Variants in OSBPL10 observed in about 807,000 individuals in gnomAD.
The protein encoded by OSBPL10 is oxysterol-binding protein-related protein 10.
A neutral mutation model predicts 81.7 loss-of-function variants in OSBPL10; 49 were observed. That is an observed-to-expected ratio of 0.60 (90% CI 0.48 to 0.76). OSBPL10 has a LOEUF of 0.76. OSBPL10 is among the 30% of genes least tolerant of loss of function. The probability of loss-of-function intolerance (pLI) is 0.00; values close to 1 mark genes in which losing one functional copy is unlikely to be tolerated. For synonymous variants in OSBPL10, 419 were observed against 383.6 expected (o/e 1.09, Z -1.08); for missense variants, 923 against 987.8 (o/e 0.93, Z 0.88).
intron 4 of OSBPL10, among the ~76,000 whole-genome samples, chr3:31,824,993 G>A (rs754221234): frequency 9.2e-5 from 14 of 152,126 alleles, no homozygotes; most frequent in Non-Finnish European, 1.9e-4. Flanking sequence ...CCCAACAGAG[G>A]AGGTCCTAAG....
rs933014986 is a variant in OSBPL10 at position 31,776,582 on chromosome 3, G to C, written c.730-28462C>G. Among the ~76,000 whole-genome samples, 2 of 152,298 alleles carry C rather than the reference G, an allele frequency of 1.3e-5. 1 individual carries two copies. The highest frequency in any genetic ancestry group is 4.1e-4 in the South Asian group (2 of 4,822). On this transcript the variant is annotated intron_variant, in intron 4 of 11. Transcript: ENST00000396556. ...TCCACCAACAGATGAATGGATAAAT[G>C]TGGTATATCCACACAATGGAATCTT...
intron 3 of OSBPL10, among the ~76,000 whole-genome samples, chr3:31,863,146 G>GA (rs56882500): frequency 0.026 from 3,935 of 152,100 alleles, 156 homozygotes; most frequent in African/African-American, 0.089. Context: ...TATGCTAAGT[G>GA]AAAAAAAGCC....
intron 6 of OSBPL10, among the ~76,000 whole-genome samples, chr3:31,730,081 G>T (rs546244249): frequency 1.3e-5 from 2 of 152,186 alleles, no homozygotes; most frequent in South Asian, 4.1e-4. Flanking sequence ...GGTGGCTCAC[G>T]CCTGTAATCC....
chr3:31,815,086 AGTGGCCACACTGGAAT>A (rs1411661078), intron 4 of OSBPL10, among the ~76,000 whole-genome samples: 1 of 151,984 alleles, frequency 6.6e-6, no homozygotes, highest in Non-Finnish European at 1.5e-5. Context: ...AAGAATCTGA[AGTGGCCACACTGGAAT>A]GTCTATGCAG....
intron 1 of OSBPL10, among the ~76,000 whole-genome samples, chr3:32,047,042 C>T (rs1699628272): frequency 6.6e-6 from 1 of 152,162 alleles, no homozygotes; most frequent in African/African-American, 2.4e-5. Context: ...TATTGTCACC[C>T]AGGCTGGAGT....
chr3:31,914,456 C>T (rs1054694930), intron 1 of OSBPL10, among the ~76,000 whole-genome samples: 1 of 152,190 alleles, frequency 6.6e-6, no homozygotes, highest in African/African-American at 2.4e-5. Context: ...TGGCAGCAGG[C>T]AGTGTTTCCC....
At chr3:31,918,329 CTTT>C (rs67029884) in intron 1 of OSBPL10, among the ~76,000 whole-genome samples, 38,463 of 148,138 alleles carry the variant, frequency 0.26, 6,005 homozygotes, top group African/African-American at 0.42. Context: ...TTTTTCTTTT[CTTT>C]TTTTTTTTTT....
At chr3:31,843,631 T>TC (rs1245748050) in intron 3 of OSBPL10, among the ~76,000 whole-genome samples, 1 of 152,158 alleles carries the variant, frequency 6.6e-6, no homozygotes, top group Non-Finnish European at 1.5e-5. Context: ...TTGTTGGCCC[T>TC]CCTTCCTTTG....
At chr3:31,840,484 C>A (rs1220356492) in intron 3 of OSBPL10, among the ~76,000 whole-genome samples, 2 of 152,192 alleles carry the variant, frequency 1.3e-5, no homozygotes, top group Non-Finnish European at 2.9e-5. Flanking sequence ...AAGCGGCGTG[C>A]AGACTCCTAC....
chr3:31,973,714 G>A (rs1333538932), intron 1 of OSBPL10, among the ~76,000 whole-genome samples: 2 of 152,192 alleles, frequency 1.3e-5, no homozygotes, highest in African/African-American at 4.8e-5. Flanking sequence ...GGCCAGGATG[G>A]GGAGCCATCT....
At chr3:32,026,954 T>C (rs1371684897) in intron 2 of OSBPL10, among the ~76,000 whole-genome samples, 1 of 152,204 alleles carries the variant, frequency 6.6e-6, no homozygotes, top group East Asian at 1.9e-4. Context: ...AGAGAGGACA[T>C]AACTTTGAAT....
intron 1 of OSBPL10, among the ~76,000 whole-genome samples, chr3:31,952,088 C>T (rs1244901927): frequency 1.3e-5 from 2 of 151,856 alleles, no homozygotes; most frequent in African/African-American, 4.9e-5. Context: ...AACATATAGT[C>T]ATATTAAACA....
chr3:31,712,346 C>T (rs546654312), intron 6 of OSBPL10, among the ~76,000 whole-genome samples: 22 of 152,288 alleles, frequency 1.4e-4, no homozygotes, highest in Non-Finnish European at 2.8e-4. Flanking sequence ...TCCTAATTCC[C>T]GGAACCTGTG....
At chr3:31,812,822 A>AAGAAAGAAAGAAAGAAAGAAAG (rs2125484952) in intron 4 of OSBPL10, among the ~76,000 whole-genome samples, 8 of 119,812 alleles carry the variant, frequency 6.7e-5, no homozygotes, top group South Asian at 2.8e-4. Flanking sequence ...AAGAAAGAGA[A>AAGAAAGAAAGAAAGAAAGAAAG]AGAAAGAAAG....
In OSBPL10 at chr3:31,963,108, CTCTA is replaced by C. The variant is rs1314038105; in HGVS notation, c.281+17787_281+17790del. On this transcript the variant is annotated intron_variant, in intron 1 of 11. Coordinates refer to ENST00000396556, the MANE Select transcript of OSBPL10 (RefSeq NM_017784.5). ...GTTGCAAGAATATGACAAAGAACTC[CTCTA>C]TCTCCCTTCACACAGATTCAAAAAT... Among the ~76,000 whole-genome samples, 8 of 152,150 alleles carry C rather than the reference CTCTA, an allele frequency of 5.3e-5. No homozygotes were observed. The South Asian group carries it at 6.2e-4, about 12-fold the overall frequency.
Position 31,875,425 on chromosome 3 carries a change from T to C in OSBPL10, c.537+1008A>G, listed in dbSNP as rs879424707. Among the ~76,000 whole-genome samples, 12 of 152,106 alleles carry C rather than the reference T, an allele frequency of 7.9e-5. No individual in the cohort carries two copies. The East Asian group carries it at 9.7e-4, about 12-fold the overall frequency. ...ATTCTTGGAAAATAAAGAAGGCCAA[T>C]TGGGGGAAAATGCTTTAGAATGAGG... On this transcript the variant is annotated intron_variant, in intron 3 of 11. Transcript: ENST00000396556.
intron 8 of OSBPL10, among the ~76,000 whole-genome samples, chr3:31,671,725 T>G (rs1700327619): frequency 1.3e-5 from 2 of 152,198 alleles, no homozygotes; most frequent in Admixed American, 6.5e-5. Flanking sequence ...GGGAAAGGCC[T>G]TATTCCTCTC....
intron 1 of OSBPL10, among the ~76,000 whole-genome samples, chr3:31,941,182 GGTCA>G (rs1255472309): frequency 7.2e-5 from 11 of 152,016 alleles, no homozygotes; most frequent in Non-Finnish European, 1.2e-4. Flanking sequence ...AAGAATAAAA[GGTCA>G]GTATTTTATA....
At chr3:31,725,089 A>G (rs550856587) in intron 6 of OSBPL10, among the ~76,000 whole-genome samples, 3 of 152,232 alleles carry the variant, frequency 2.0e-5, no homozygotes, top group Admixed American at 6.5e-5. Context: ...CAGAATAATT[A>G]TAACTATTAT....
Sources: allele counts gnomAD v4.1 joint callset (sites outside exome capture counted in the v4.1 genomes callset), GRCh38; gene constraint gnomAD v4.1.1; transcripts MANE v1.5; gene names NCBI Gene and HGNC (gene_info 2026-07-23, HGNC 2026-07-21).